FSTL5: variants seen among roughly 807,000 people sequenced by gnomAD.
FSTL5 encodes the protein follistatin-related protein 5.
Under a neutral mutation model 89.1 loss-of-function variants are expected in FSTL5, and 62 were observed. The observed-to-expected ratio is 0.70, with a 90% CI of 0.57 to 0.86. The LOEUF is 0.86. Among genes scored for constraint, FSTL5 ranks in the 40% least tolerant of loss-of-function variants. The pLI is 0.00. For synonymous variants in FSTL5, 383 were observed against 346.2 expected (o/e 1.11, Z -1.18); for missense variants, 1,057 against 1,001.6 (o/e 1.06, Z -0.75).
intron 4 of FSTL5, among the ~76,000 whole-genome samples, chr4:161,840,379 A>G (rs1489217950): frequency 6.6e-6 from 1 of 152,234 alleles, no homozygotes; most frequent in Non-Finnish European, 1.5e-5. Context: ...ATTGGATTCA[A>G]TGCTTTATCT....
At chr4:161,597,004 T>A (rs1301868018) in intron 7 of FSTL5, among the ~76,000 whole-genome samples, 4 of 152,144 alleles carry the variant, frequency 2.6e-5, no homozygotes, top group African/African-American at 9.7e-5. Flanking sequence ...GATGGTAGTT[T>A]CTTTTGCTGT....
intron 3 of FSTL5, among the ~76,000 whole-genome samples, chr4:161,969,107 A>G (rs1735409859): frequency 6.6e-6 from 1 of 152,020 alleles, no homozygotes; most frequent in African/African-American, 2.4e-5. Context: ...GAGGGGCTTT[A>G]TTTTTTGGAA....
chr4:162,097,523 A>G (rs1730813190), intron 2 of FSTL5, among the ~76,000 whole-genome samples: 1 of 151,918 alleles, frequency 6.6e-6, no homozygotes, highest in African/African-American at 2.4e-5. Context: ...AAACTGGAAA[A>G]CAGTAGCTTT....
chr4:161,643,402 C>T (rs1235758976), intron 7 of FSTL5, among the ~76,000 whole-genome samples: 3 of 152,138 alleles, frequency 2.0e-5, no homozygotes, highest in Admixed American at 6.5e-5. Context: ...ATTTGACTTC[C>T]CTTTCTGATT....
intron 7 of FSTL5, among the ~76,000 whole-genome samples, chr4:161,617,393 A>G (rs1578970618): frequency 6.6e-6 from 1 of 152,234 alleles, no homozygotes; most frequent in South Asian, 2.1e-4. Flanking sequence ...AGACCAGAGG[A>G]ACAATATAAA....
intron 6 of FSTL5, among the ~76,000 whole-genome samples, chr4:161,667,263 T>C (rs970985199): frequency 1.3e-5 from 2 of 152,132 alleles, no homozygotes; most frequent in Non-Finnish European, 2.9e-5. Flanking sequence ...AGGTTGAGTC[T>C]ATTTATTCAG....
intron 3 of FSTL5, among the ~76,000 whole-genome samples, chr4:161,958,540 TG>T (rs1735086680): frequency 1.3e-5 from 2 of 152,236 alleles, no homozygotes; most frequent in Admixed American, 6.6e-5. Flanking sequence ...GTTTTATTGA[TG>T]GGAACAAGAA....
intron 7 of FSTL5, among the ~76,000 whole-genome samples, chr4:161,606,289 G>C (rs1336337248): frequency 7.1e-6 from 1 of 141,362 alleles, no homozygotes; most frequent in Non-Finnish European, 1.5e-5. Flanking sequence ...CTGACGCCAG[G>C]CTGGAGTGCA....
rs1194426687 is a variant in FSTL5, at chr4:161,594,320, G to T, written c.895-6745C>A. Among the ~76,000 whole-genome samples, 7 of 151,930 alleles carry T rather than the reference G, an allele frequency of 4.6e-5. No individual in the cohort carries two copies. In the East Asian group the frequency reaches 1.3e-3, roughly 29 times the overall value. The stretch of plus-strand genomic sequence containing the variant: ...TGTTTATATTCAAATATGCAAAATG[G>T]TATATTCATATTTTAATGTATATTT... On this transcript the variant is annotated intron_variant, in intron 7 of 15. Coordinates refer to ENST00000306100, the MANE Select transcript of FSTL5 (RefSeq NM_020116.5).
intron 8 of FSTL5, among the ~76,000 whole-genome samples, chr4:161,563,659 T>C (rs1433855199): frequency 6.6e-6 from 1 of 152,022 alleles, no homozygotes; most frequent in Non-Finnish European, 1.5e-5. Flanking sequence ...AATCACCCCG[T>C]AGCAGTCAAT....
At chr4:162,054,485 T>C (rs1216665989) in intron 2 of FSTL5, among the ~76,000 whole-genome samples, 4 of 151,778 alleles carry the variant, frequency 2.6e-5, no homozygotes, top group Non-Finnish European at 1.5e-5. Flanking sequence ...AAAAAACGAA[T>C]GACATTACCA....
chr4:161,509,060 T>C (rs1156782406), intron 11 of FSTL5, among the ~76,000 whole-genome samples: 1 of 152,206 alleles, frequency 6.6e-6, no homozygotes, highest in Non-Finnish European at 1.5e-5. Context: ...CCCAGTACTT[T>C]GGGAGGCTGA....
chr4:161,563,212 G>A (rs566696476), intron 8 of FSTL5, among the ~76,000 whole-genome samples: 2 of 151,848 alleles, frequency 1.3e-5, no homozygotes, highest in Admixed American at 6.6e-5. Context: ...CAAACACTTG[G>A]GTTGCTTCCA....
intron 4 of FSTL5, among the ~76,000 whole-genome samples, chr4:161,852,475 A>G (rs1000786077): frequency 2.6e-5 from 4 of 152,194 alleles, no homozygotes; most frequent in African/African-American, 9.7e-5. Flanking sequence ...ATTCTGGTGA[A>G]GTGGTGGAGA....
chr4:161,596,842 G>A (rs534435428), intron 7 of FSTL5, among the ~76,000 whole-genome samples: 3 of 152,226 alleles, frequency 2.0e-5, no homozygotes, highest in Admixed American at 2.0e-4. Context: ...AGAATAAAAA[G>A]AAGACATATC....
At chr4:161,697,663 T>C (rs1166631949) in intron 6 of FSTL5, among the ~76,000 whole-genome samples, 2 of 152,142 alleles carry the variant, frequency 1.3e-5, no homozygotes, top group Non-Finnish European at 2.9e-5. Context: ...GGAATACTAT[T>C]CATCCATAAA....
intron 4 of FSTL5, among the ~76,000 whole-genome samples, chr4:161,865,208 C>A (rs927982944): frequency 6.6e-6 from 1 of 151,924 alleles, no homozygotes. Context: ...AAGACAACCA[C>A]AAAATCGCAG....
chr4:161,606,536 T>C (rs1389999455), intron 7 of FSTL5, among the ~76,000 whole-genome samples: 1 of 152,110 alleles, frequency 6.6e-6, no homozygotes, highest in Admixed American at 6.6e-5. Flanking sequence ...GGCCCGATTA[T>C]CTGTGAAGTA....
chr4:162,092,947 CAAAAAAAAAAAAA>C (rs57860357), intron 2 of FSTL5, among the ~76,000 whole-genome samples: 1 of 80,722 alleles, frequency 1.2e-5, no homozygotes, highest in Non-Finnish European at 2.3e-5. Context: ...GACTCTGTCT[CAAAAAAAAAAAAA>C]AAAAAAAAAA....
Sources: gnomAD v4.1 joint callset for allele counts (sites outside exome capture counted in the v4.1 genomes callset) on GRCh38, gnomAD v4.1.1 for gene constraint, MANE v1.5 for transcripts, NCBI Gene and HGNC (gene_info 2026-07-23, HGNC 2026-07-21) for gene names.